Variants in RNF121 observed in about 807,000 individuals in gnomAD.
RNF121 encodes ring finger protein 121.
Under a neutral mutation model 46.5 loss-of-function variants are expected in RNF121, and 21 were observed. That is an observed-to-expected ratio of 0.45 (90% CI 0.32 to 0.65). The LOEUF (loss-of-function observed/expected upper bound fraction) is 0.65. Ranked by LOEUF, RNF121 falls within the 30% of genes least tolerant of loss-of-function variation. RNF121 has a pLI of 0.04. For synonymous variants in RNF121, 139 were observed against 144.7 expected, an observed-to-expected ratio of 0.96 and a Z score of 0.28; for missense variants, 346 against 416.0, an observed-to-expected ratio of 0.83 and a Z score of 1.46.
intron 3 of RNF121, among the ~76,000 whole-genome samples, chr11:71,974,028 G>A (rs1413156141): frequency 6.6e-6 from 1 of 151,994 alleles, no homozygotes; most frequent in Non-Finnish European, 1.5e-5. Context: ...TGCAAGCTCC[G>A]CCTCCCGGGT....
intron 1 of RNF121, among the ~76,000 whole-genome samples, chr11:71,930,937 A>G (rs1953265251): frequency 6.6e-6 from 1 of 152,266 alleles, no homozygotes; most frequent in African/African-American, 2.4e-5. Flanking sequence ...GGTTCAAACA[A>G]TTCTCCTGCC....
intron 3 of RNF121, among the ~76,000 whole-genome samples, chr11:71,977,384 T>C (rs1022565983): frequency 6.6e-6 from 1 of 152,180 alleles, no homozygotes; most frequent in African/African-American, 2.4e-5. Flanking sequence ...GGTTGTCTTA[T>C]TAGAAATAAT....
intron 1 of RNF121, among the ~76,000 whole-genome samples, chr11:71,930,994 G>A (rs894400616): frequency 6.6e-5 from 10 of 151,992 alleles, no homozygotes; most frequent in African/African-American, 2.4e-4. Flanking sequence ...CACCACGCCC[G>A]GCTGATTTTT....
At chr11:71,930,679 T>A (rs574038839) in intron 1 of RNF121, among the ~76,000 whole-genome samples, 1 of 152,150 alleles carries the variant, frequency 6.6e-6, no homozygotes, top group South Asian at 2.1e-4. Flanking sequence ...TGAAGACACT[T>A]TGGAAAGGGT....
chr11:71,956,655 T>G (rs1953998365), intron 1 of RNF121, among the ~76,000 whole-genome samples: 2 of 152,240 alleles, frequency 1.3e-5, no homozygotes, highest in Non-Finnish European at 2.9e-5. Flanking sequence ...CACATGGTGT[T>G]ATATCTAACT....
intron 1 of RNF121, chr11:71,938,718 C>T (rs1226684787): frequency 1.3e-5 from 2 of 152,538 alleles, no homozygotes; most frequent in Non-Finnish European, 2.9e-5. Flanking sequence ...GGATCTTTTT[C>T]TTCTGTGCAA....
At chr11:71,990,490 C>CCTTTGGGCCTTCTCG in intron 5 of RNF121, 107 bp from the exon 6 acceptor site, 2 of 1,412,048 alleles carry the variant, frequency 1.4e-6, no homozygotes, top group Non-Finnish European at 9.6e-7. Context: ...CTTGCTCTAG[C>CCTTTGGGCCTTCTCG]CTTTGGGCCT....
intron 2 of RNF121, among the ~76,000 whole-genome samples, chr11:71,958,662 G>T (rs974190755): frequency 6.6e-6 from 1 of 152,038 alleles, no homozygotes; most frequent in African/African-American, 2.4e-5. Flanking sequence ...GCAGTTCGAG[G>T]CTGCAGTTCA....
At chr11:71,975,499 AG>A (rs1000110727) in intron 3 of RNF121, among the ~76,000 whole-genome samples, 1 of 152,112 alleles carries the variant, frequency 6.6e-6, no homozygotes, top group Admixed American at 6.5e-5. Flanking sequence ...CCTTCCTTGG[AG>A]GGGGGTGGGT....
intron 1 of RNF121, chr11:71,939,434 C>G (rs769709974): frequency 1.3e-5 from 2 of 156,502 alleles, no homozygotes; most frequent in African/African-American, 4.8e-5. Flanking sequence ...TCCCTCCACC[C>G]CTATGGCCTG....
chr11:71,980,504 G>T (rs1284620354), intron 3 of RNF121, among the ~76,000 whole-genome samples: 1 of 152,082 alleles, frequency 6.6e-6, no homozygotes, highest in Non-Finnish European at 1.5e-5. Context: ...CCGCCACCAT[G>T]CCTGGCTAAT....
intron 3 of RNF121, 58 bp downstream of exon 3, chr11:71,960,949 G>A: frequency 6.3e-7 from 1 of 1,584,180 alleles, no homozygotes; most frequent in Non-Finnish European, 8.6e-7. Flanking sequence ...CCCTTCCTAA[G>A]TATTCTAGGT....
chr11:71,982,887 C>G lies in RNF121; in HGVS notation c.370C>G (p.Arg124Gly). Reference protein sequence around the residue: ...VTAFVTFRATRKPLVQTTPRL... With the variant: ...VTAFVTFRATGKPLVQTTPRL... ...AGCCTTTGTTACCTTCCGAGCCACC[C>G]GAAAACCTCTAGTACAGACAACCCC... The change falls in exon 4 of 9, where the codon CGA (arginine) becomes GGA (glycine). Residue 124 changes from arginine (R) to glycine (G), a missense_variant. Physicochemically the swap from Arg to Gly is moderately radical, Grantham distance 125. This residue lies in a region of RNF121 where 286 missense variants were observed against 383.8 expected (regional missense o/e 0.75). Coordinates refer to ENST00000361756, the MANE Select transcript of RNF121 (RefSeq NM_018320.5). 1 of 1,612,696 alleles carries G rather than the reference C, an allele frequency of 6.2e-7. No individual in the cohort carries two copies.
intron 1 of RNF121, among the ~76,000 whole-genome samples, chr11:71,941,523 T>G (rs1953568367): frequency 6.6e-6 from 1 of 152,324 alleles, no homozygotes; most frequent in Non-Finnish European, 1.5e-5. Context: ...TAGTTTCTAA[T>G]GTGGTAAAGT....
intron 1 of RNF121, among the ~76,000 whole-genome samples, chr11:71,947,401 A>T (rs1229908452): frequency 2.0e-5 from 3 of 151,876 alleles, no homozygotes; most frequent in African/African-American, 7.3e-5. Flanking sequence ...AGGCAGGAGG[A>T]TCCCTTGAGC....
intron 3 of RNF121, among the ~76,000 whole-genome samples, chr11:71,963,535 G>A (rs1232162560): frequency 1.3e-5 from 2 of 152,166 alleles, no homozygotes; most frequent in African/African-American, 2.4e-5. Flanking sequence ...CAGGAGAATC[G>A]CTTGAATCAG....
In RNF121 at chr11:71,995,441, G is replaced by A. The variant is rs531274231; in HGVS notation, c.762-9G>A. On this transcript the variant is annotated splice_polypyrimidine_tract_variant and intron_variant, in intron 7 of 8. Transcript: ENST00000361756. ...GCTCTCACCATTTCCCTTGACCAGC[G>A]GTGCTCAGCTTCCACGAGTTCTGCA... 4.5e-6 allele frequency: 7 copies of A among 1,568,102 alleles called. No individual in the cohort carries two copies. Among genetic ancestry groups the A allele is most frequent in the Admixed American group, 1.9e-5 (1 of 53,752 alleles).
At chr11:71,965,859 G>T (rs1445199357) in intron 3 of RNF121, among the ~76,000 whole-genome samples, 8 of 152,198 alleles carry the variant, frequency 5.3e-5, no homozygotes, top group Non-Finnish European at 4.4e-5. Flanking sequence ...AGAAGGTGTA[G>T]GGTATAGTCA....
At chr11:71,978,315 C>T (rs1954575856) in intron 3 of RNF121, 1 of 253,768 alleles carries the variant, frequency 3.9e-6, no homozygotes, top group South Asian at 3.2e-5. Flanking sequence ...GAACTGGGTC[C>T]TTCCACCAGC....
Sources: gnomAD v4.1 joint callset for allele counts (sites outside exome capture counted in the v4.1 genomes callset) on GRCh38, gnomAD v4.1.1 for gene constraint, gnomAD v4.1.1 regional missense constraint, MANE v1.5 for transcripts, NCBI Gene and HGNC (gene_info 2026-07-23, HGNC 2026-07-21) for gene names.